Variants in ZW10 observed in about 807,000 individuals in gnomAD.
ZW10 encodes zw10 kinetochore protein, also known as centromere/kinetochore protein zw10 homolog.
Under a neutral mutation model 87.8 loss-of-function variants are expected in ZW10, and 53 were observed. The ratio of observed to expected loss-of-function variants is 0.60; its 90% CI spans 0.48 to 0.76. ZW10 has a LOEUF of 0.76. Ranked by LOEUF, ZW10 falls within the 30% of genes least tolerant of loss-of-function variation. The pLI, the probability that ZW10 is intolerant of heterozygous loss-of-function variation, is 0.00. For synonymous variants in ZW10, 312 were observed against 329.2 expected (o/e 0.95, Z 0.57); for missense variants, 837 against 923.0 (o/e 0.91, Z 1.21).
intron 3 of ZW10, 90 bp from the exon 4 acceptor site, chr11:113,760,680 C>T (rs1442419534): frequency 1.4e-5 from 17 of 1,187,646 alleles, no homozygotes; most frequent in Admixed American, 1.0e-4. Context: ...TTTCCCTCCC[C>T]CTCCCCCCTC....
chr11:113,753,833 G>A (rs576283063), intron 7 of ZW10, among the ~76,000 whole-genome samples: 2 of 152,348 alleles, frequency 1.3e-5, no homozygotes, highest in South Asian at 4.1e-4. Context: ...AGAGAGGTGA[G>A]GAAGCTGCAG....
chr11:113,765,733 T>C (rs1953902072), intron 2 of ZW10, among the ~76,000 whole-genome samples: 1 of 152,186 alleles, frequency 6.6e-6, no homozygotes, highest in Non-Finnish European at 1.5e-5. Context: ...TGGAAGACAA[T>C]TCTCTAGAGG....
chr11:113,770,849 G>GAA (rs1953957612), intron 1 of ZW10, among the ~76,000 whole-genome samples: 1 of 150,774 alleles, frequency 6.6e-6, no homozygotes, highest in African/African-American at 2.4e-5. Flanking sequence ...AAAAAGAAAT[G>GAA]ATGCTGCACT....
chr11:113,745,231 T>C (rs1953666399), intron 9 of ZW10, among the ~76,000 whole-genome samples: 2 of 152,020 alleles, frequency 1.3e-5, no homozygotes, highest in Non-Finnish European at 2.9e-5. Flanking sequence ...ATCTCAATTT[T>C]CTCACTGTAA....
At chr11:113,744,150 G>A in intron 9 of ZW10, 110 bp from the exon 10 acceptor site, 1 of 792,940 alleles carries the variant, frequency 1.3e-6, no homozygotes, top group Non-Finnish European at 2.0e-6. Flanking sequence ...CACTTTGGGA[G>A]GCCGAGGCGG....
At chr11:113,765,793 G>T (rs1032816177) in intron 2 of ZW10, among the ~76,000 whole-genome samples, 10 of 152,134 alleles carry the variant, frequency 6.6e-5, no homozygotes, top group African/African-American at 2.4e-4. Context: ...ACTGTCTTTA[G>T]TTCTGGGCTA....
At chr11:113,750,003 C>A (rs899436994) in intron 7 of ZW10, among the ~76,000 whole-genome samples, 1 of 152,080 alleles carries the variant, frequency 6.6e-6, no homozygotes, top group Non-Finnish European at 1.5e-5. Flanking sequence ...ATGCATAGAG[C>A]GCAAGTTATG....
At chr11:113,764,898 T>C (rs1258287873) in intron 2 of ZW10, among the ~76,000 whole-genome samples, 4 of 152,234 alleles carry the variant, frequency 2.6e-5, no homozygotes. Context: ...CTTCATTTTC[T>C]GACCACTCCG....
At chr11:113,739,110 G>A in intron 12 of ZW10, 103 bp downstream of exon 12, 1 of 1,319,316 alleles carries the variant, frequency 7.6e-7, no homozygotes, top group Non-Finnish European at 1.0e-6. Flanking sequence ...TACAGCTCAG[G>A]ACCACCACCT....
chr11:113,736,321 C>T (rs1953553041), intron 15 of ZW10, among the ~76,000 whole-genome samples: 1 of 151,610 alleles, frequency 6.6e-6, no homozygotes, highest in South Asian at 2.1e-4. Context: ...CAACAATTTC[C>T]ATCCAGATGT....
chr11:113,743,904 T>A lies in ZW10; in HGVS notation c.1409A>T (p.His470Leu). 2.5e-6 allele frequency: 4 copies of A among 1,614,176 alleles called. No individual in the cohort carries two copies. Among genetic ancestry groups the A allele is most frequent in the Non-Finnish European group, 3.4e-6 (4 of 1,180,008 alleles). The change falls in exon 10 of 16, where the codon CAT (histidine) becomes CTT (leucine). Residue 470 changes from histidine (H) to leucine (L), a missense_variant. By Grantham distance (99) the His-to-Leu change is moderately conservative. Transcript: ENST00000200135. ...ACGGCATGTGGGCAAGGAAAAGGAA[T>A]GTTGGTCCAATGTATTTTCAGGCTC... Reference protein sequence around the residue: ...NLEPENTLDQHSFSLPTCRIS... With the variant: ...NLEPENTLDQLSFSLPTCRIS...
At chr11:113,766,521 A>G (rs1312535602) in intron 2 of ZW10, among the ~76,000 whole-genome samples, 1 of 151,166 alleles carries the variant, frequency 6.6e-6, no homozygotes, top group Non-Finnish European at 1.5e-5. Context: ...AATATTTTTA[A>G]AAATTAGCCA....
intron 15 of ZW10, 56 bp from the exon 16 acceptor site, chr11:113,733,870 GA>G: frequency 2.0e-6 from 3 of 1,518,008 alleles, no homozygotes; most frequent in Non-Finnish European, 2.6e-6. Context: ...GTATAAGCAA[GA>G]CTTAAAAATT....
chr11:113,743,949 TA>T lies in ZW10; in HGVS notation c.1363del (p.Tyr455ThrfsTer4). The stretch of plus-strand genomic sequence containing the variant: ...AGGCTCTAAATTCATCACTTCGTGG[TA>T]CTGAGTATTGGATACTTTCTGTACT... The part of the protein sequence containing the change: ...LEVQKVSNTQ[Y>X]HEVMNLEPEN... On this transcript the variant is annotated frameshift_variant, in exon 10 of 16. Coordinates refer to ENST00000200135, the MANE Select transcript of ZW10 (RefSeq NM_004724.4). LOFTEE classifies it high-confidence loss of function. 6.2e-7 allele frequency: 1 copy of T among 1,614,226 alleles called. No homozygotes were observed. The highest frequency in any genetic ancestry group is 8.5e-7 in the Non-Finnish European group (1 of 1,180,030).
intron 1 of ZW10, among the ~76,000 whole-genome samples, chr11:113,772,912 G>T (rs1937654274): frequency 6.6e-6 from 1 of 151,782 alleles, no homozygotes; most frequent in African/African-American, 2.4e-5. Context: ...GCTTGAACCC[G>T]GGAGGCAGAG....
rs140369176 is a variant in ZW10 at position 113,759,128 on chromosome 11, T to C, written c.581-422A>G. Among the ~76,000 whole-genome samples the C allele has an allele frequency of 4.6e-4, 70 of 152,192 alleles. No individual in the cohort carries two copies. The East Asian group carries it at 0.012, about 27-fold the overall frequency. ...GAAGGATCGCTTCAGCCTGGGAGTTTGAGACTGCAGTGAACTATGATTGAG... is the reference window on the plus strand; with the variant it reads ...GAAGGATCGCTTCAGCCTGGGAGTTCGAGACTGCAGTGAACTATGATTGAG... On this transcript the variant is annotated intron_variant, in intron 5 of 15. Coordinates refer to ENST00000200135, the MANE Select transcript of ZW10 (RefSeq NM_004724.4).
chr11:113,764,882 T>A (rs1033744841), intron 2 of ZW10, among the ~76,000 whole-genome samples: 28 of 152,218 alleles, frequency 1.8e-4, no homozygotes, highest in Non-Finnish European at 4.0e-4. Flanking sequence ...TTCACTCTTT[T>A]GGGAGCTTCA....
rs761682240 is a variant in ZW10, at chr11:113,744,067, A to G, written c.1273-27T>C. The G allele has an allele frequency of 5.1e-5, 79 of 1,547,420 alleles. 1 individual carries two copies. In the South Asian group the frequency reaches 8.4e-4, roughly 16 times the overall value. On this transcript the variant is annotated intron_variant, in intron 9 of 15. Transcript: ENST00000200135. ...TAAGATTCAAACACAAAAATACAGA[A>G]AATATATTGTTTTCAGAATAATTCA...
At chr11:113,739,173 C>T in intron 12 of ZW10, 40 bp downstream of exon 12, 1 of 1,604,748 alleles carries the variant, frequency 6.2e-7, no homozygotes. Context: ...TGACAAGCTG[C>T]ATAATCCATA....
Sources: allele counts gnomAD v4.1 joint callset (sites outside exome capture counted in the v4.1 genomes callset), GRCh38; gene constraint gnomAD v4.1.1; transcripts MANE v1.5; gene names NCBI Gene and HGNC (gene_info 2026-07-23, HGNC 2026-07-21).